Variants in ASXL3 observed in about 807,000 individuals in gnomAD.
ASXL3 encodes ASXL transcriptional regulator 3, also known as putative Polycomb group protein ASXL3.
A neutral mutation model predicts 170.6 loss-of-function variants in ASXL3; 34 were observed. The ratio of observed to expected loss-of-function variants is 0.20; its 90% CI spans 0.15 to 0.27. The LOEUF (loss-of-function observed/expected upper bound fraction) is 0.27. Ranked by LOEUF, ASXL3 falls within the 10% of genes least tolerant of loss-of-function variation. ASXL3 has a pLI of 1.00. For missense variants in ASXL3, 2,592 were observed against 2,695.3 expected (o/e 0.96, Z 0.85); for synonymous variants, 1,002 against 989.1 (o/e 1.01, Z -0.24).
chr18:33,631,885 A>T (rs1568291123), intron 2 of ASXL3, among the ~76,000 whole-genome samples: 1 of 152,150 alleles, frequency 6.6e-6, no homozygotes, highest in Non-Finnish European at 1.5e-5. Flanking sequence ...GATATTTTTG[A>T]TAGTTTTGTG....
chr18:33,697,521 A>C (rs1293111484), intron 8 of ASXL3, among the ~76,000 whole-genome samples: 1 of 152,124 alleles, frequency 6.6e-6, no homozygotes, highest in Non-Finnish European at 1.5e-5. Flanking sequence ...ATGATATCTT[A>C]GGCAGAACCA....
At chr18:33,651,730 A>G (rs533997014) in intron 4 of ASXL3, among the ~76,000 whole-genome samples, 1 of 152,244 alleles carries the variant, frequency 6.6e-6, no homozygotes, top group Non-Finnish European at 1.5e-5. Context: ...GTAAAAACTG[A>G]TAAGAAATCT....
chr18:33,732,937 C>T (rs1158600080), intron 9 of ASXL3, among the ~76,000 whole-genome samples: 2 of 151,862 alleles, frequency 1.3e-5, no homozygotes, highest in Admixed American at 6.6e-5. Flanking sequence ...AGTTCCTTCA[C>T]CAATATCTCA....
In ASXL3 at chr18:33,578,522, C is replaced by A. The variant is rs1317042901; in HGVS notation, c.-110C>A. On this transcript the variant is annotated 5_prime_UTR_variant, in exon 1 of 12. Coordinates refer to ENST00000269197, the MANE Select transcript of ASXL3 (RefSeq NM_030632.3). ...GCCACCGCCCGCGCGCCTCCCCCCG[C>A]GGAGCGAGTGCGGGTCACCGGGTCA... 1.9e-5 allele frequency: 11 copies of A among 570,122 alleles called. No homozygotes were observed. The highest frequency in any genetic ancestry group is 2.4e-5 in the Non-Finnish European group (10 of 424,834). 35.3% of individuals were successfully genotyped at this position (570,122 alleles called of 1,614,324 possible).
chr18:33,738,706 G>C lies in ASXL3; in HGVS notation c.1302G>C (p.Met434Ile). Reference sequence around the variant, plus strand: ...TAGAAATTCCACCTAAAGATATAATGGCAGAATTGGAGTCAGAGGATATCT... The same window carrying C: ...TAGAAATTCCACCTAAAGATATAATCGCAGAATTGGAGTCAGAGGATATCT... ...PMVEIPPKDI[M>I]AELESEDILI... is the part of the protein sequence containing the mutation. The change falls in exon 11 of 12, where the codon ATG becomes ATC. Residue 434 changes from methionine to isoleucine, a missense_variant. Physicochemically the swap from Met to Ile is conservative, Grantham distance 10. This residue lies in a region of ASXL3 where 2,246 missense variants were observed against 2,219.6 expected (regional missense o/e 1.01). Coordinates refer to ENST00000269197, the MANE Select transcript of ASXL3 (RefSeq NM_030632.3). 6.2e-7 allele frequency: 1 copy of C among 1,613,940 alleles called. No homozygotes were observed.
chr18:33,636,978 A>G (rs1164840236), intron 2 of ASXL3, among the ~76,000 whole-genome samples: 2 of 152,124 alleles, frequency 1.3e-5, no homozygotes, highest in African/African-American at 2.4e-5. Context: ...TGTATTGCAA[A>G]TACATAGTAT....
At chr18:33,656,399 C>T (rs1349291600) in intron 4 of ASXL3, among the ~76,000 whole-genome samples, 1 of 151,990 alleles carries the variant, frequency 6.6e-6, no homozygotes, top group Non-Finnish European at 1.5e-5. Flanking sequence ...TTTATTAGGT[C>T]TTTGAGCACC....
chr18:33,724,793 A>G (rs1479009476), intron 8 of ASXL3, among the ~76,000 whole-genome samples: 1 of 152,104 alleles, frequency 6.6e-6, no homozygotes, highest in Admixed American at 6.6e-5. Flanking sequence ...ATTTTGCAAA[A>G]CACAATTTTG....
chr18:33,716,959 C>G (rs969596670), intron 8 of ASXL3, among the ~76,000 whole-genome samples: 1 of 151,042 alleles, frequency 6.6e-6, no homozygotes, highest in Admixed American at 6.6e-5. Context: ...ATATTTACCT[C>G]TGTTCTTTTG....
At chr18:33,675,549 G>C (rs1161391695) in intron 7 of ASXL3, among the ~76,000 whole-genome samples, 1 of 152,180 alleles carries the variant, frequency 6.6e-6, no homozygotes, top group Non-Finnish European at 1.5e-5. Context: ...GTGAAAACCA[G>C]AGTTCAGGGT....
chr18:33,641,758 CCTTT>C (rs536160058), intron 2 of ASXL3: 6 of 152,380 alleles, frequency 3.9e-5, no homozygotes, highest in African/African-American at 7.2e-5. Context: ...TTGTTTTCTT[CCTTT>C]CTTTTTGTTT....
intron 2 of ASXL3, among the ~76,000 whole-genome samples, chr18:33,620,576 G>A (rs1019624075): frequency 3.9e-5 from 6 of 152,066 alleles, no homozygotes; most frequent in Non-Finnish European, 7.4e-5. Context: ...TTGCTAAGAC[G>A]AGAATTATTT....
chr18:33,743,883 C>T lies in ASXL3; in HGVS notation c.4035C>T (p.Ser1345=). 6.2e-7 allele frequency: 1 copy of T among 1,614,022 alleles called. No individual in the cohort carries two copies. Residue 1345 remains serine (S), a synonymous_variant, in exon 12 of 12, where the codon TCC becomes TCT. Transcript: ENST00000269197. ...STQYTSVPTP[S]IGNNLPNLST... is the part of the protein sequence containing the mutation. Reference sequence around the variant, plus strand: ...AGTACACCTCTGTGCCAACTCCCTCCATCGGAAACAATTTGCCAAACCTCT... The same window carrying T: ...AGTACACCTCTGTGCCAACTCCCTCTATCGGAAACAATTTGCCAAACCTCT...
At chr18:33,634,326 C>A (rs1240175147) in intron 2 of ASXL3, among the ~76,000 whole-genome samples, 1 of 149,950 alleles carries the variant, frequency 6.7e-6, no homozygotes, top group Admixed American at 6.6e-5. Flanking sequence ...GGCATAGTTG[C>A]TTCTTTTTTT....
intron 2 of ASXL3, among the ~76,000 whole-genome samples, chr18:33,627,666 A>G (rs1326685698): frequency 2.0e-5 from 3 of 152,082 alleles, no homozygotes; most frequent in African/African-American, 7.2e-5. Context: ...ATCTTCACTG[A>G]AAGCACTTCA....
chr18:33,648,003 G>A (rs2065940674), intron 4 of ASXL3, among the ~76,000 whole-genome samples: 1 of 152,066 alleles, frequency 6.6e-6, no homozygotes. Flanking sequence ...ATATTCCAGA[G>A]ATAGCAAGAG....
At chr18:33,728,091 C>T (rs896636003) in intron 8 of ASXL3, among the ~76,000 whole-genome samples, 2 of 152,094 alleles carry the variant, frequency 1.3e-5, no homozygotes, top group Admixed American at 6.6e-5. Context: ...ACTAATCATG[C>T]CCCTGGCTTG....
At chr18:33,595,431 T>A (rs1347449198) in intron 1 of ASXL3, among the ~76,000 whole-genome samples, 3 of 152,186 alleles carry the variant, frequency 2.0e-5, no homozygotes, top group African/African-American at 4.8e-5. Context: ...ATATCCTGTA[T>A]CTTTTTAAAA....
At chr18:33,583,713 T>G (rs770257460) in intron 1 of ASXL3, among the ~76,000 whole-genome samples, 7 of 152,198 alleles carry the variant, frequency 4.6e-5, no homozygotes, top group Non-Finnish European at 8.8e-5. Flanking sequence ...ATGCCAGAAA[T>G]GAACTATTTT....
Sources: gnomAD v4.1 joint callset for allele counts (sites outside exome capture counted in the v4.1 genomes callset) on GRCh38, gnomAD v4.1.1 for gene constraint, gnomAD v4.1.1 regional missense constraint, MANE v1.5 for transcripts, NCBI Gene and HGNC (gene_info 2026-07-23, HGNC 2026-07-21) for gene names.